The following EPHB1 variants were observed in gnomAD, a reference collection of about 807,000 sequenced individuals.
EPHB1 encodes EPH receptor B1, also known as ephrin type-B receptor 1.
In EPHB1, 30 loss-of-function variants were observed where a neutral mutation model predicts 94.4. The ratio of observed to expected loss-of-function variants is 0.32; its 90% confidence interval spans 0.24 to 0.43. The LOEUF (loss-of-function observed/expected upper bound fraction) is 0.43, where lower values mean the gene tolerates loss of function less well. EPHB1 is among the 20% of genes least tolerant of loss of function. EPHB1 has a pLI of 1.00. For missense variants in EPHB1, 1,055 were observed against 1,308.3 expected (o/e 0.81, Z 2.99); for synonymous variants, 522 against 489.1 (o/e 1.07, Z -0.89).
intron 12 of EPHB1, among the ~76,000 whole-genome samples, chr3:135,234,001 G>A (rs948151871): frequency 1.3e-5 from 2 of 152,222 alleles, no homozygotes; most frequent in Non-Finnish European, 2.9e-5. Context: ...CTCCAGGTCT[G>A]TGATGGGAGG....
Position 134,980,490 on chromosome 3 carries a change from G to A in EPHB1, c.805+28438G>A, listed in dbSNP as rs146875827. ...ATGGGAAGGGTGTCAAGAATTTGAA[G>A]CCTTTACTTACACTCACAAGAAACT... On this transcript the variant is annotated intron_variant, in intron 3 of 15. Coordinates refer to ENST00000398015, the MANE Select transcript of EPHB1 (RefSeq NM_004441.5). Among the ~76,000 whole-genome samples the A allele has an allele frequency of 2.6e-5, 4 of 152,184 alleles. No homozygotes were observed. In the East Asian group the frequency reaches 7.7e-4, roughly 29 times the overall value.
intron 1 of EPHB1, among the ~76,000 whole-genome samples, chr3:134,844,022 T>A (rs1421499190): frequency 6.6e-6 from 1 of 152,238 alleles, no homozygotes; most frequent in East Asian, 1.9e-4. Flanking sequence ...CTCTGAGTGT[T>A]ATTTTTTCCC....
rs558627652 is a variant in EPHB1 at position 134,802,348 on chromosome 3, GA to G, written c.58+6674del. Among the ~76,000 whole-genome samples the G allele has an allele frequency of 7.3e-3, 937 of 128,758 alleles. 2 individuals carry two copies. The highest frequency in any genetic ancestry group is 0.015 in the African/African-American group (538 of 35,396). The allele number at this position is 128,758 out of a possible 152,430, so 84.5% of individuals were successfully genotyped here. A position where few individuals can be genotyped will look rare whatever the true frequency, so the allele number is the denominator to read the frequency against. On this transcript the variant is annotated intron_variant, in intron 1 of 15. Transcript: ENST00000398015. ...GTGACAGAGCGAGACTCTGTCTCACGAAAAAAAAAAAAAAAGAAGCAGGGGC... is the reference window on the plus strand; with the variant it reads ...GTGACAGAGCGAGACTCTGTCTCACGAAAAAAAAAAAAAAGAAGCAGGGGC...
chr3:135,230,448 G>A (rs960271596), intron 12 of EPHB1, among the ~76,000 whole-genome samples: 10 of 152,176 alleles, frequency 6.6e-5, no homozygotes, highest in African/African-American at 2.4e-4. Flanking sequence ...GGTGAGTCCA[G>A]TTGCTCTTTC....
chr3:135,009,458 T>C (rs1474762257), intron 3 of EPHB1, among the ~76,000 whole-genome samples: 2 of 152,196 alleles, frequency 1.3e-5, no homozygotes, highest in Non-Finnish European at 2.9e-5. Flanking sequence ...TGATGTATCC[T>C]GTATCTTTGA....
chr3:135,197,711 G>A (rs1423080295), intron 11 of EPHB1, among the ~76,000 whole-genome samples: 2 of 152,186 alleles, frequency 1.3e-5, no homozygotes, highest in East Asian at 3.8e-4. Context: ...AGGGAGGAAA[G>A]TTTAAATCAC....
At chr3:135,181,403 C>G (rs1942147939) in intron 10 of EPHB1, among the ~76,000 whole-genome samples, 1 of 152,224 alleles carries the variant, frequency 6.6e-6, no homozygotes, top group Non-Finnish European at 1.5e-5. Context: ...ATTTTCTCTT[C>G]CCCTTTAGAT....
At position 135,112,603 on chromosome 3, in the gene EPHB1, C is replaced by T. The variant is rs981797395; in HGVS notation, c.961+6000C>T. Among the ~76,000 whole-genome samples, 8 of 142,760 alleles carry T rather than the reference C, an allele frequency of 5.6e-5. 1 individual carries two copies. The highest frequency in any genetic ancestry group is 7.8e-5 in the African/African-American group (3 of 38,268). The allele number at this position is 142,760 out of a possible 152,430, so 93.7% of individuals were successfully genotyped here. On this transcript the variant is annotated intron_variant, in intron 4 of 15. Coordinates refer to ENST00000398015, the MANE Select transcript of EPHB1 (RefSeq NM_004441.5). Reference sequence around the variant, plus strand: ...CCCTTCCTGTGTCCATGTGTTCTCACTGTTCAATTCCGACCTCTGAGTGAG... The same window carrying T: ...CCCTTCCTGTGTCCATGTGTTCTCATTGTTCAATTCCGACCTCTGAGTGAG...
chr3:134,989,497 G>GCACA (rs61202894), intron 3 of EPHB1, among the ~76,000 whole-genome samples: 73,611 of 149,754 alleles, frequency 0.49, 18,495 homozygotes, highest in Middle Eastern at 0.61. Context: ...ACGCGCGCGT[G>GCACA]CACACACACA....
intron 3 of EPHB1, among the ~76,000 whole-genome samples, chr3:135,034,077 A>G (rs1261915003): frequency 6.6e-6 from 1 of 152,198 alleles, no homozygotes; most frequent in African/African-American, 2.4e-5. Flanking sequence ...GAAGGAAAGA[A>G]AAACACGGTT....
At position 135,057,238 on chromosome 3, in the gene EPHB1, C is replaced by T. The variant is rs367602606; in HGVS notation, c.806-49210C>T. Among the ~76,000 whole-genome samples the T allele has an allele frequency of 1.8e-3, 268 of 152,126 alleles. 1 individual carries two copies. The highest frequency in any genetic ancestry group is 3.4e-3 in the Middle Eastern group (1 of 294). Reference sequence around the variant, plus strand: ...GAGTGTCTTTCCCAGCAGGAGTCCCCGGATAATGAAGGCTTATAGGAGAAA... The same window carrying T: ...GAGTGTCTTTCCCAGCAGGAGTCCCTGGATAATGAAGGCTTATAGGAGAAA... On this transcript the variant is annotated intron_variant, in intron 3 of 15. Transcript: ENST00000398015.
chr3:135,156,425 C>A (rs1375242845), intron 6 of EPHB1, among the ~76,000 whole-genome samples: 1 of 152,192 alleles, frequency 6.6e-6, no homozygotes, highest in East Asian at 1.9e-4. Flanking sequence ...CATGACTGCA[C>A]TGGCAGCAGA....
chr3:134,945,938 C>CT (rs1469090964), intron 2 of EPHB1, among the ~76,000 whole-genome samples: 1 of 152,164 alleles, frequency 6.6e-6, no homozygotes, highest in African/African-American at 2.4e-5. Context: ...AAAATTCCCC[C>CT]TTTTTTAAGA....
intron 11 of EPHB1, among the ~76,000 whole-genome samples, chr3:135,200,715 C>T (rs1185140942): frequency 2.6e-5 from 4 of 152,056 alleles, no homozygotes; most frequent in Admixed American, 1.3e-4. Flanking sequence ...CACACACACA[C>T]GATTAAAACT....
At chr3:134,857,078 T>A (rs1475389479) in intron 1 of EPHB1, among the ~76,000 whole-genome samples, 1 of 152,042 alleles carries the variant, frequency 6.6e-6, no homozygotes, top group Non-Finnish European at 1.5e-5. Context: ...TGGGGTGGGG[T>A]GTCGTGGAAA....
At chr3:135,019,687 G>A (rs1022098409) in intron 3 of EPHB1, among the ~76,000 whole-genome samples, 3 of 152,062 alleles carry the variant, frequency 2.0e-5, no homozygotes, top group Non-Finnish European at 2.9e-5. Flanking sequence ...CATTGTGATC[G>A]TTTTCCCTAT....
intron 1 of EPHB1, among the ~76,000 whole-genome samples, chr3:134,845,351 C>T (rs186223960): frequency 6.6e-6 from 1 of 152,262 alleles, no homozygotes; most frequent in Non-Finnish European, 1.5e-5. Context: ...GCTTATTCAT[C>T]CATTCAACCA....
intron 9 of EPHB1, among the ~76,000 whole-genome samples, chr3:135,172,431 AAGCAGAGACTAGAT>A (rs1941830686): frequency 6.6e-6 from 1 of 152,212 alleles, no homozygotes; most frequent in Non-Finnish European, 1.5e-5. Context: ...GTTCCTATTC[AAGCAGAGACTAGAT>A]AGCTGTCAGT....
chr3:135,097,372 C>G (rs1938842831), intron 3 of EPHB1, among the ~76,000 whole-genome samples: 1 of 152,010 alleles, frequency 6.6e-6, no homozygotes, highest in Non-Finnish European at 1.5e-5. Context: ...CCTAGCACAG[C>G]CTCCTACAAC....
Sources: allele counts gnomAD v4.1 joint callset (sites outside exome capture counted in the v4.1 genomes callset), GRCh38; gene constraint gnomAD v4.1.1; transcripts MANE v1.5; gene names NCBI Gene and HGNC (gene_info 2026-07-23, HGNC 2026-07-21).